Variants in FANCA observed in about 807,000 individuals in gnomAD.
The protein encoded by FANCA is FA complementation group A.
In FANCA, 236 loss-of-function variants were observed where a neutral mutation model predicts 194.3. The ratio of observed to expected loss-of-function variants is 1.21; its 90% CI spans 1.09 to 1.35. The LOEUF (loss-of-function observed/expected upper bound fraction) is 1.35. FANCA is among the 40% of genes most tolerant of loss of function. The pLI is 0.00. For synonymous variants in FANCA, 1,014 were observed against 715.8 expected, an observed-to-expected ratio of 1.42 and a Z score of -6.65; for missense variants, 2,628 against 1,813.9, an observed-to-expected ratio of 1.45 and a Z score of -8.15.
intron 41 of FANCA, 30 bp downstream of exon 41, chr16:89,739,103 C>T (rs1272596249): frequency 3.1e-6 from 5 of 1,613,850 alleles, no homozygotes; most frequent in Non-Finnish European, 4.2e-6. Context: ...GGGGAGCTCC[C>T]CTGGAGGTGG....
In FANCA at chr16:89,783,065, T is replaced by A; in HGVS notation, c.1508A>T (p.Tyr503Phe). Residue 503 changes from tyrosine to phenylalanine, a missense_variant, in exon 16 of 43, where the codon TAC becomes TTC. Transcript: ENST00000389301. Reference sequence around the variant, plus strand: ...GATGTAGTCTGTGAGGAGGGAGCGGTACTTGCCGGGAACCAGGGGTGGGTG... The same window carrying A: ...GATGTAGTCTGTGAGGAGGGAGCGGAACTTGCCGGGAACCAGGGGTGGGTG... ...ILHPPLVPGK[Y>F]RSLLTDYISL... is the part of the protein sequence containing the mutation. 6.2e-7 allele frequency: 1 copy of A among 1,613,868 alleles called. No homozygotes were observed. The highest frequency in any genetic ancestry group is 1.1e-5 in the South Asian group (1 of 91,072).
At chr16:89,746,198 TG>T (rs2038382300) in intron 35 of FANCA, among the ~76,000 whole-genome samples, 3 of 152,138 alleles carry the variant, frequency 2.0e-5, no homozygotes, top group African/African-American at 7.2e-5. Flanking sequence ...CAGGCGCAAG[TG>T]GGCCACAGTC....
At chr16:89,798,284 T>A (rs933291438) in intron 10 of FANCA, 5 of 955,504 alleles carry the variant, frequency 5.2e-6, no homozygotes, top group East Asian at 7.0e-5. Flanking sequence ...TGAGAACACA[T>A]CTGCCGTCCA....
rs1567598565 is a variant in FANCA at position 89,742,975 on chromosome 16, C to CA, written c.3627-38dup. 4.4e-6 allele frequency: 7 copies of CA among 1,599,836 alleles called. 2 individuals carry two copies. The South Asian group carries it at 7.8e-5, about 18-fold the overall frequency. On this transcript the variant is annotated intron_variant, in intron 36 of 42. Coordinates refer to ENST00000389301, the MANE Select transcript of FANCA (RefSeq NM_000135.4). ...AGAACGGGGTCATTGCAGGGCCTTA[C>CA]AACCATACAACCACGCCATAGAAAC...
rs1362171217 is a variant in FANCA, at chr16:89,780,046, C to G, written c.1627-89G>C. The G allele has an allele frequency of 5.1e-6, 6 of 1,181,362 alleles. No homozygotes were observed. In the African/African-American group the frequency reaches 6.0e-5, roughly 12 times the overall value. 73.2% of individuals were successfully genotyped at this position (1,181,362 alleles called of 1,614,324 possible). On this transcript the variant is annotated intron_variant, in intron 17 of 42. Coordinates refer to ENST00000389301, the MANE Select transcript of FANCA (RefSeq NM_000135.4). ...GAAGGCCACACTCAACCTGTGCTTC[C>G]TTGTTGAAAGGCTCTGTACACATTA...
chr16:89,804,929 A>G (rs55736118), intron 7 of FANCA, among the ~76,000 whole-genome samples: 1 of 152,040 alleles, frequency 6.6e-6, no homozygotes, highest in African/African-American at 2.4e-5. Flanking sequence ...CCCAGCTACT[A>G]AGGAGGTTGA....
chr16:89,740,126 A>C, intron 38 of FANCA, 27 bp from the exon 39 acceptor site: 1 of 1,589,918 alleles, frequency 6.3e-7, no homozygotes, highest in South Asian at 1.1e-5. Context: ...ACCAACCCTG[A>C]GAATGGCCGA....
At position 89,738,684 on chromosome 16, in the gene FANCA, C is replaced by A. The variant is rs748856769; in HGVS notation, c.4285G>T (p.Asp1429Tyr). ...TGGAGGGCGGCGCTCACCTCTGGGTCGCAGTCCCCACGATCAGCCAGCAGC... is the reference window on the plus strand; with the variant it reads ...TGGAGGGCGGCGCTCACCTCTGGGTAGCAGTCCCCACGATCAGCCAGCAGC... ...AELLADRGDC[D>Y]PEVSAALQSR... The change falls in exon 43 of 43, where the codon GAC becomes TAC. Residue 1429 changes from aspartate to tyrosine, a missense_variant. By Grantham distance (160) the Asp-to-Tyr change is radical. Coordinates refer to ENST00000389301, the MANE Select transcript of FANCA (RefSeq NM_000135.4). 5 of 1,613,796 alleles carry A rather than the reference C, an allele frequency of 3.1e-6. No homozygotes were observed. The African/African-American group carries it at 6.7e-5, about 22-fold the overall frequency.
chr16:89,740,332 A>G (rs1037970559), intron 38 of FANCA: 1 of 557,054 alleles, frequency 1.8e-6, no homozygotes, highest in Non-Finnish European at 3.2e-6. Context: ...ACGTCCTCAA[A>G]TAAGACATTA....
chr16:89,743,549 C>T lies in FANCA; in HGVS notation c.3627-611G>A, dbSNP rs148852380. Among the ~76,000 whole-genome samples the T allele has an allele frequency of 2.0e-5, 3 of 152,280 alleles. No homozygotes were observed. In the East Asian group the frequency reaches 5.8e-4, roughly 29 times the overall value. On this transcript the variant is annotated intron_variant, in intron 36 of 42. Coordinates refer to ENST00000389301, the MANE Select transcript of FANCA (RefSeq NM_000135.4). ...TCAAATAAACAAAAACGAGGCAGGG[C>T]GTGGTGGTTCACGCCTGTAATCCCA...
chr16:89,783,659 G>T (rs2039799249), intron 15 of FANCA, among the ~76,000 whole-genome samples: 1 of 152,180 alleles, frequency 6.6e-6, no homozygotes, highest in African/African-American at 2.4e-5. Context: ...GGCTCACTGG[G>T]GGAACCAGGG....
chr16:89,804,828 T>C (rs1315546901), intron 7 of FANCA, among the ~76,000 whole-genome samples: 2 of 151,576 alleles, frequency 1.3e-5, no homozygotes, highest in Non-Finnish European at 2.9e-5. Context: ...GGTCAGGAGT[T>C]CAAGAGCAGC....
In FANCA at chr16:89,740,059, G is replaced by A. The variant is rs1269006545; in HGVS notation, c.3869C>T (p.Ala1290Val). Residue 1290 changes from alanine (A) to valine (V), a missense_variant, in exon 39 of 43, where the codon GCA becomes GTA. Physicochemically the swap from Ala to Val is moderately conservative, Grantham distance 64. Coordinates refer to ENST00000389301, the MANE Select transcript of FANCA (RefSeq NM_000135.4). The stretch of plus-strand genomic sequence containing the variant: ...CCTCTTCTCTAAACACTCGAGGATT[G>A]CTGCACAAACGTGGAAAGCCTTTGG... ...DLPKAFHVCA[A>V]ILECLEKRKI... 2.5e-6 allele frequency: 4 copies of A among 1,614,068 alleles called. No individual in the cohort carries two copies. Among genetic ancestry groups the A allele is most frequent in the Admixed American group, 1.7e-5 (1 of 60,004 alleles).
chr16:89,739,893 C>T lies in FANCA; in HGVS notation c.3934+101G>A, dbSNP rs1264477688. 1.6e-5 allele frequency: 25 copies of T among 1,570,920 alleles called. 1 individual carries two copies. The highest frequency in any genetic ancestry group is 2.2e-5 in the Non-Finnish European group (25 of 1,158,380). ...AACTAAAATGGAGCTTATAAACTTACTTAGCAAGGAACCTCAAGGAGGGCT... is the reference window on the plus strand; with the variant it reads ...AACTAAAATGGAGCTTATAAACTTATTTAGCAAGGAACCTCAAGGAGGGCT... On this transcript the variant is annotated intron_variant, in intron 39 of 42. Transcript: ENST00000389301.
At chr16:89,748,324 G>A (rs578249790) in intron 33 of FANCA, among the ~76,000 whole-genome samples, 1 of 152,336 alleles carries the variant, frequency 6.6e-6, no homozygotes, top group South Asian at 2.1e-4. Flanking sequence ...TACACATGAA[G>A]CATGTTGAGA....
chr16:89,812,131 C>T (rs1168330318), intron 3 of FANCA, among the ~76,000 whole-genome samples: 25 of 146,526 alleles, frequency 1.7e-4, no homozygotes, highest in Admixed American at 1.1e-3. Flanking sequence ...GTCAGGAGAT[C>T]GAGACCATCC....
rs1239942003 is a variant in FANCA, at chr16:89,771,718, A to T, written c.2111T>A (p.Leu704His). 2.5e-6 allele frequency: 4 copies of T among 1,614,016 alleles called. No individual in the cohort carries two copies. The highest frequency in any genetic ancestry group is 3.4e-6 in the Non-Finnish European group (4 of 1,180,038). Residue 704 changes from leucine (L) to histidine (H), a missense_variant, in exon 23 of 43, where the codon CTC becomes CAC. Leu to His is a moderately conservative substitution (Grantham distance 99). Transcript: ENST00000389301. The stretch of plus-strand genomic sequence containing the variant: ...CTCCAGTCTCGGCGTGTTGATGCTG[A>T]GCTGAATCTTTGATATCTCAACGCT... The part of the protein sequence containing the change: ...DSSVEISKIQ[L>H]SINTPRLEPR...
At chr16:89,782,337 C>G (rs1029784022) in intron 17 of FANCA, among the ~76,000 whole-genome samples, 2 of 151,888 alleles carry the variant, frequency 1.3e-5, no homozygotes, top group Non-Finnish European at 2.9e-5. Context: ...TGGCGAAACC[C>G]TGACTCTATT....
chr16:89,767,004 C>T (rs1760456271), intron 27 of FANCA, 137 bp downstream of exon 27: 1 of 757,504 alleles, frequency 1.3e-6, no homozygotes, highest in African/African-American at 1.7e-5. Flanking sequence ...AGGAGCTGCC[C>T]CATGACAGCC....
Sources: gnomAD v4.1 joint callset for allele counts (sites outside exome capture counted in the v4.1 genomes callset) on GRCh38, gnomAD v4.1.1 for gene constraint, MANE v1.5 for transcripts, NCBI Gene and HGNC (gene_info 2026-07-23, HGNC 2026-07-21) for gene names.